The following SMIM21 variants were observed in gnomAD, a reference collection of about 807,000 sequenced individuals.
SMIM21 encodes the protein chromosome 18 open reading frame 62.
A neutral mutation model predicts 8.6 loss-of-function variants in SMIM21; 8 were observed. The ratio of observed to expected loss-of-function variants is 0.93; its 90% CI spans 0.55 to 1.68. The LOEUF is 1.68. Ranked by LOEUF, SMIM21 falls within the 40% of genes most tolerant of loss-of-function variation. The pLI is 0.00. For synonymous variants in SMIM21, 43 were observed against 41.7 expected (o/e 1.03, Z -0.12); for missense variants, 132 against 123.0 (o/e 1.07, Z -0.35).
chr18:75,413,205 ATTCT>A (rs1167894337), intron 2 of SMIM21, among the ~76,000 whole-genome samples: 1 of 152,038 alleles, frequency 6.6e-6, no homozygotes, highest in African/African-American at 2.4e-5. Context: ...TCTCCCAGAG[ATTCT>A]TTCTTTACTC....
intron 1 of SMIM21, among the ~76,000 whole-genome samples, chr18:75,419,206 T>C (rs921512928): frequency 1.3e-5 from 2 of 152,212 alleles, no homozygotes; most frequent in Non-Finnish European, 2.9e-5. Context: ...GAAACCGAGT[T>C]CCCTATTAAG....
At chr18:75,421,535 G>T (rs1022350160) in intron 1 of SMIM21, among the ~76,000 whole-genome samples, 2 of 151,996 alleles carry the variant, frequency 1.3e-5, no homozygotes, top group East Asian at 1.9e-4. Flanking sequence ...TGGTCAGGGA[G>T]GGTCAGAAAA....
intron 1 of SMIM21, among the ~76,000 whole-genome samples, chr18:75,426,378 C>T (rs542691922): frequency 1.3e-4 from 19 of 151,996 alleles, no homozygotes; most frequent in Non-Finnish European, 2.4e-4. Flanking sequence ...GGCACAATCT[C>T]GGCTCACTGC....
chr18:75,415,068 G>A (rs1003175074), intron 2 of SMIM21, among the ~76,000 whole-genome samples: 1 of 152,092 alleles, frequency 6.6e-6, no homozygotes, highest in Admixed American at 6.5e-5. Flanking sequence ...TCCCTCTTCT[G>A]TTAGTGGGTC....
intron 1 of SMIM21, among the ~76,000 whole-genome samples, chr18:75,426,439 A>G (rs1054420642): frequency 2.0e-5 from 3 of 151,834 alleles, no homozygotes; most frequent in Non-Finnish European, 4.4e-5. Context: ...CCTCCCAAGT[A>G]GCTGGGACTA....
chr18:75,425,870 G>A (rs1433663509), intron 1 of SMIM21, among the ~76,000 whole-genome samples: 1 of 152,178 alleles, frequency 6.6e-6, no homozygotes, highest in Non-Finnish European at 1.5e-5. Flanking sequence ...AGGGGACAGG[G>A]ACAGTCTCTG....
At chr18:75,418,762 C>T in intron 2 of SMIM21, 24 bp downstream of exon 2, 2 of 1,576,126 alleles carry the variant, frequency 1.3e-6, no homozygotes, top group Non-Finnish European at 1.7e-6. Flanking sequence ...TTTTTTTTAA[C>T]TGCTAAGGTT....
rs577682515 is a variant in SMIM21 at position 75,414,240 on chromosome 18, AT to A, written c.261-3332del. ...ATTTATTATCAAAGGATAAAAATAA[AT>A]TTTTTTTGTCCCCAAGGAAATGTAA... On this transcript the variant is annotated intron_variant, in intron 2 of 2. Coordinates refer to ENST00000579022, the MANE Select transcript of SMIM21 (RefSeq NM_001037331.3). Among the ~76,000 whole-genome samples the A allele has an allele frequency of 5.3e-3, 802 of 152,144 alleles. 2 individuals are homozygous for A. Among genetic ancestry groups the A allele is most frequent in the Non-Finnish European group, 8.5e-3 (579 of 67,990 alleles).
intron 2 of SMIM21, chr18:75,412,704 G>C (rs1246192598): frequency 6.6e-6 from 1 of 152,148 alleles, no homozygotes; most frequent in Non-Finnish European, 1.5e-5. Context: ...CCTGACGATA[G>C]TGATGAGTAT....
rs2024574822 is a variant in SMIM21 at position 75,410,768 on chromosome 18, C to G, written c.*96G>C. ...CTTTTAAAAAGTGAGCAATAATCTG[C>G]TATCTCTAAGCAATCTGATTTCCTC... On this transcript the variant is annotated 3_prime_UTR_variant, in exon 3 of 3. Coordinates refer to ENST00000579022, the MANE Select transcript of SMIM21 (RefSeq NM_001037331.3). 1 of 1,572,186 alleles carries G rather than the reference C, an allele frequency of 6.4e-7. No individual in the cohort carries two copies. Among genetic ancestry groups the G allele is most frequent in the African/African-American group, 1.4e-5 (1 of 73,112 alleles).
chr18:75,421,323 T>G (rs2024706042), intron 1 of SMIM21, among the ~76,000 whole-genome samples: 1 of 152,062 alleles, frequency 6.6e-6, no homozygotes, highest in Non-Finnish European at 1.5e-5. Context: ...TTTTATTAAT[T>G]TGGGAAACAC....
At chr18:75,425,728 G>C (rs1185226878) in intron 1 of SMIM21, among the ~76,000 whole-genome samples, 1 of 152,130 alleles carries the variant, frequency 6.6e-6, no homozygotes, top group Non-Finnish European at 1.5e-5. Context: ...AGCAGAAGTG[G>C]GACCCAGAAG....
chr18:75,419,652 T>C (rs1168624553), intron 1 of SMIM21, among the ~76,000 whole-genome samples: 3 of 152,196 alleles, frequency 2.0e-5, no homozygotes, highest in African/African-American at 7.2e-5. Context: ...TCTTCTTCTT[T>C]CTCAGAAAGA....
rs10643353 is a variant in SMIM21, at chr18:75,409,659, C to CTGTGTG, written c.*1199_*1204dup. 0.051 allele frequency: 7,571 copies of CTGTGTG among 149,788 alleles called. 283 individuals carry two copies. The highest frequency in any genetic ancestry group is 0.16 in the South Asian group (731 of 4,710). 9.3% of individuals were successfully genotyped at this position (149,788 alleles called of 1,614,324 possible). ...GACTGTTCCATCGGTGACAAGAACT[C>CTGTGTG]TGTGTGTGTGTGTGTGTGTGTATGT... On this transcript the variant is annotated 3_prime_UTR_variant, in exon 3 of 3. Transcript: ENST00000579022.
At chr18:75,412,517 A>G (rs548677653) in intron 2 of SMIM21, 11 of 152,134 alleles carry the variant, frequency 7.2e-5, no homozygotes, top group African/African-American at 2.7e-4. Context: ...CTATTCTGAC[A>G]TTGGATGCTG....
chr18:75,420,109 G>A (rs767959562), intron 1 of SMIM21, among the ~76,000 whole-genome samples: 2 of 152,196 alleles, frequency 1.3e-5, no homozygotes, highest in Admixed American at 1.3e-4. Flanking sequence ...TAGGGTCAGG[G>A]ATCCACTGAT....
chr18:75,424,727 T>C (rs6566093), intron 1 of SMIM21, among the ~76,000 whole-genome samples: 43,019 of 152,112 alleles, frequency 0.28, 6,713 homozygotes, highest in Middle Eastern at 0.37. Flanking sequence ...CACCCCTGCC[T>C]CCCCAATCTC....
intron 2 of SMIM21, among the ~76,000 whole-genome samples, chr18:75,415,440 C>G (rs1314325034): frequency 6.6e-6 from 1 of 152,220 alleles, no homozygotes; most frequent in Non-Finnish European, 1.5e-5. Context: ...GGAGTCTCTG[C>G]TGATGTCAGA....
intron 2 of SMIM21, among the ~76,000 whole-genome samples, chr18:75,414,130 C>T (rs2024617389): frequency 6.6e-6 from 1 of 151,028 alleles, no homozygotes; most frequent in South Asian, 2.1e-4. Context: ...CATACACACA[C>T]ACACACACAC....
Sources: allele counts gnomAD v4.1 joint callset (sites outside exome capture counted in the v4.1 genomes callset), GRCh38; gene constraint gnomAD v4.1.1; transcripts MANE v1.5; gene names NCBI Gene and HGNC (gene_info 2026-07-23, HGNC 2026-07-21).